The following SDK1 variants were observed in gnomAD, a reference collection of about 807,000 sequenced individuals.
SDK1 encodes sidekick cell adhesion molecule 1.
In SDK1, 157 loss-of-function variants were observed where a neutral mutation model predicts 245.5. The observed-to-expected ratio is 0.64, with a 90% confidence interval of 0.56 to 0.73. The LOEUF (loss-of-function observed/expected upper bound fraction) is 0.73, where lower values mean the gene tolerates loss of function less well. Among genes scored for constraint, SDK1 ranks in the 30% least tolerant of loss-of-function variants. The probability of loss-of-function intolerance (pLI) is 0.00; values close to 1 mark genes in which losing one functional copy is unlikely to be tolerated. For synonymous variants in SDK1, 1,647 were observed against 1,278.5 expected (o/e 1.29, Z -6.15); for missense variants, 3,583 against 3,002.3 (o/e 1.19, Z -4.52).
chr7:3,790,479 C>A (rs911468735), intron 4 of SDK1, among the ~76,000 whole-genome samples: 1 of 151,966 alleles, frequency 6.6e-6, no homozygotes, highest in Admixed American at 6.6e-5. Context: ...AGCGAATGGC[C>A]CACACAGAGG....
Position 4,174,360 on chromosome 7 carries a change from G to A in SDK1, c.4936+3G>A, listed in dbSNP as rs762967271. The A allele has an allele frequency of 3.1e-6, 5 of 1,613,636 alleles. No homozygotes were observed. The highest frequency in any genetic ancestry group is 1.3e-5 in the African/African-American group (1 of 75,042). ...AGCTTTACATGCTGAGCTCACAGGT[G>A]AGACTGTCCCCTCTGTCCTGGTACA... is the stretch of plus-strand genomic sequence containing the variant. On this transcript the variant is annotated splice_donor_region_variant and intron_variant, in intron 33 of 44. Coordinates refer to ENST00000404826, the MANE Select transcript of SDK1 (RefSeq NM_152744.4).
chr7:4,196,523 C>T (rs762904439), intron 35 of SDK1, among the ~76,000 whole-genome samples: 1 of 152,190 alleles, frequency 6.6e-6, no homozygotes, highest in Non-Finnish European at 1.5e-5. Flanking sequence ...GCTGCTGGCC[C>T]CTCCCTGCCC....
At chr7:3,305,012 T>G (rs533168391) in intron 1 of SDK1, among the ~76,000 whole-genome samples, 1 of 152,338 alleles carries the variant, frequency 6.6e-6, no homozygotes, top group African/African-American at 2.4e-5. Context: ...ATGGCTTGAT[T>G]TCCCTTTCAT....
At chr7:3,498,242 A>G (rs1487903973) in intron 1 of SDK1, among the ~76,000 whole-genome samples, 1 of 152,238 alleles carries the variant, frequency 6.6e-6, no homozygotes, top group Non-Finnish European at 1.5e-5. Flanking sequence ...ACTAAAGACG[A>G]CATGTGTACT....
intron 1 of SDK1, among the ~76,000 whole-genome samples, chr7:3,481,232 C>T (rs1781511791): frequency 6.6e-6 from 1 of 152,126 alleles, no homozygotes; most frequent in African/African-American, 2.4e-5. Context: ...TTCCACTTTG[C>T]AGCTGAGAAA....
intron 4 of SDK1, among the ~76,000 whole-genome samples, chr7:3,758,618 T>C (rs1780005353): frequency 6.6e-6 from 1 of 152,228 alleles, no homozygotes; most frequent in Admixed American, 6.5e-5. Flanking sequence ...CGTGCTCTTA[T>C]CTTTTTCTTT....
At position 3,400,241 on chromosome 7, in the gene SDK1, G is replaced by C. The variant is rs1778852834; in HGVS notation, c.298+98357G>C. On this transcript the variant is annotated intron_variant, in intron 1 of 44. Coordinates refer to ENST00000404826, the MANE Select transcript of SDK1 (RefSeq NM_152744.4). The stretch of plus-strand genomic sequence containing the variant: ...ACCAAGTTAAAATGCCATGAACCAA[G>C]CCTTTCTAGCCAAGATTCAGCAGCT... Among the ~76,000 whole-genome samples, 7 of 152,270 alleles carry C rather than the reference G, an allele frequency of 4.6e-5. No individual in the cohort carries two copies. In the South Asian group the frequency reaches 1.2e-3, roughly 27 times the overall value.
intron 27 of SDK1, among the ~76,000 whole-genome samples, chr7:4,132,101 C>T (rs1187414194): frequency 6.6e-6 from 1 of 152,072 alleles, no homozygotes; most frequent in South Asian, 2.1e-4. Context: ...GGAAAGCAGA[C>T]GGGCAGGGTT....
At chr7:3,720,139 C>G (rs1466300210) in intron 4 of SDK1, among the ~76,000 whole-genome samples, 2 of 151,898 alleles carry the variant, frequency 1.3e-5, no homozygotes, top group Non-Finnish European at 2.9e-5. Flanking sequence ...AGTATAAAAA[C>G]CAGCCACTCG....
In SDK1 at chr7:3,428,339, G is replaced by C. The variant is rs370749676; in HGVS notation, c.298+126455G>C. On this transcript the variant is annotated intron_variant, in intron 1 of 44. Coordinates refer to ENST00000404826, the MANE Select transcript of SDK1 (RefSeq NM_152744.4). ...GGCAGAATGATGTTAATTAAACTGT[G>C]GTAACTGAAATTTATGCATCTCAGA... is the stretch of plus-strand genomic sequence containing the variant. 2.1e-3 allele frequency among the ~76,000 whole-genome samples: 320 copies of C among 152,266 alleles called. 3 individuals are homozygous for C. Among genetic ancestry groups the C allele is most frequent in the African/African-American group, 7.3e-3 (304 of 41,528 alleles).
rs1778983088 is a variant in SDK1 at position 3,797,260 on chromosome 7, G to C, written c.714-24190G>C. Among the ~76,000 whole-genome samples, 3 of 151,980 alleles carry C rather than the reference G, an allele frequency of 2.0e-5. No individual in the cohort carries two copies. The South Asian group carries it at 6.2e-4, about 32-fold the overall frequency. ...GGCCTCCCAAAGTGCTGGGATTATAGGTGTGAGCTGCCACACCCGTCCCAT... is the reference window on the plus strand; with the variant it reads ...GGCCTCCCAAAGTGCTGGGATTATACGTGTGAGCTGCCACACCCGTCCCAT... On this transcript the variant is annotated intron_variant, in intron 4 of 44. Transcript: ENST00000404826.
chr7:3,516,705 G>A (rs973149939), intron 1 of SDK1, among the ~76,000 whole-genome samples: 2 of 152,102 alleles, frequency 1.3e-5, no homozygotes, highest in Non-Finnish European at 2.9e-5. Flanking sequence ...TGATAATTTG[G>A]AAAAGTTCAT....
intron 19 of SDK1, among the ~76,000 whole-genome samples, chr7:4,058,975 A>C (rs566011526): frequency 6.6e-6 from 1 of 152,344 alleles, no homozygotes; most frequent in South Asian, 2.1e-4. Flanking sequence ...TTACCACTAC[A>C]GAAAACCACC....
chr7:4,233,357 G>C lies in SDK1; in HGVS notation c.5930G>C (p.Arg1977Pro). The C allele has an allele frequency of 1.2e-6, 2 of 1,613,852 alleles. No homozygotes were observed. The highest frequency in any genetic ancestry group is 1.7e-6 in the Non-Finnish European group (2 of 1,180,034). ...CGGCAAGGAGTGACTTACGAGTTCC[G>C]GGTGGTGGCTGTGAATGAGGCGGGC... ...KLRQGVTYEF[R>P]VVAVNEAGYG... Residue 1977 changes from arginine to proline, a missense_variant, in exon 41 of 45, where the codon CGG becomes CCG. By Grantham distance (103) the Arg-to-Pro change is moderately radical. Transcript: ENST00000404826.
At chr7:3,378,116 C>G (rs982514074) in intron 1 of SDK1, among the ~76,000 whole-genome samples, 1 of 152,188 alleles carries the variant, frequency 6.6e-6, no homozygotes, top group African/African-American at 2.4e-5. Context: ...TGTTGAGCCA[C>G]TCTTGCCTGT....
intron 1 of SDK1, among the ~76,000 whole-genome samples, chr7:3,444,426 T>C (rs1562490047): frequency 1.3e-5 from 2 of 152,216 alleles, no homozygotes; most frequent in Admixed American, 6.5e-5. Context: ...TTAGGAGTGC[T>C]TAATGAATAT....
At chr7:3,445,843 T>C (rs888903888) in intron 1 of SDK1, among the ~76,000 whole-genome samples, 2 of 152,166 alleles carry the variant, frequency 1.3e-5, no homozygotes, top group African/African-American at 2.4e-5. Flanking sequence ...TTTTTGCTTA[T>C]GTTTTTTCTT....
intron 1 of SDK1, among the ~76,000 whole-genome samples, chr7:3,410,872 C>A (rs944595740): frequency 1.3e-5 from 2 of 152,078 alleles, no homozygotes; most frequent in African/African-American, 4.8e-5. Flanking sequence ...CATGTTTGAG[C>A]TACCACGCCC....
intron 1 of SDK1, among the ~76,000 whole-genome samples, chr7:3,357,237 G>T (rs79690070): frequency 6.8e-6 from 1 of 146,976 alleles, no homozygotes; most frequent in Non-Finnish European, 1.5e-5. Flanking sequence ...GGATGCTTCT[G>T]TTGTTGATGT....
Sources: allele counts gnomAD v4.1 joint callset (sites outside exome capture counted in the v4.1 genomes callset), GRCh38; gene constraint gnomAD v4.1.1; transcripts MANE v1.5; gene names NCBI Gene and HGNC (gene_info 2026-07-23, HGNC 2026-07-21).